The following WDR59 variants were observed in gnomAD, a reference collection of about 807,000 sequenced individuals.
The protein encoded by WDR59 is WD repeat domain 59.
WDR59 carries 100 observed loss-of-function variants against 131.2 expected under a neutral mutation model. The observed-to-expected ratio is 0.76, with a 90% CI of 0.65 to 0.90. The LOEUF (loss-of-function observed/expected upper bound fraction) is 0.90, where lower values mean the gene tolerates loss of function less well. Among genes scored for constraint, WDR59 ranks in the 40% least tolerant of loss-of-function variants. The pLI is 0.00. For missense variants in WDR59, 1,203 were observed against 1,262.2 expected (o/e 0.95, Z 0.71); for synonymous variants, 601 against 466.2 (o/e 1.29, Z -3.72).
At chr16:74,894,076 C>A in intron 18 of WDR59, 1 of 341,938 alleles carries the variant, frequency 2.9e-6, no homozygotes, top group Non-Finnish European at 5.3e-6. Flanking sequence ...AGGATTAATA[C>A]ATTAATTAAT....
intron 9 of WDR59, among the ~76,000 whole-genome samples, chr16:74,922,401 T>G (rs552356914): frequency 9.8e-5 from 15 of 152,314 alleles, no homozygotes; most frequent in Non-Finnish European, 2.1e-4. Flanking sequence ...ACACACTGTT[T>G]CACATCCTAG....
rs1402953913 is a variant in WDR59, at chr16:74,985,032, C to T, written c.-15G>A. On this transcript the variant is annotated 5_prime_UTR_variant, in exon 1 of 26. Transcript: ENST00000262144. ...CGCGCCGCCATCTCCCCCGCCCGGC[C>T]GCCGCGGCCCCAGGACGGCGCCCTC... is the stretch of plus-strand genomic sequence containing the variant. The T allele has an allele frequency of 1.0e-5, 16 of 1,564,034 alleles. No individual in the cohort carries two copies. The highest frequency in any genetic ancestry group is 1.9e-5 in the Admixed American group (1 of 52,422).
chr16:74,952,567 G>A (rs371940584), intron 3 of WDR59, among the ~76,000 whole-genome samples: 1 of 151,346 alleles, frequency 6.6e-6, no homozygotes, highest in African/African-American at 2.4e-5. Context: ...AAAGGGTTAA[G>A]CAGAAAGTGA....
intron 1 of WDR59, among the ~76,000 whole-genome samples, chr16:74,967,587 G>A (rs551048962): frequency 2.0e-5 from 3 of 152,128 alleles, no homozygotes; most frequent in Non-Finnish European, 4.4e-5. Context: ...GGCTGGGCGC[G>A]GCGGCTCATG....
chr16:74,893,472 G>C (rs1228661402), intron 19 of WDR59, among the ~76,000 whole-genome samples: 1 of 152,096 alleles, frequency 6.6e-6, no homozygotes, highest in Non-Finnish European at 1.5e-5. Context: ...GTCCAGACTC[G>C]CGACCCACAA....
At chr16:74,896,324 C>T (rs2144848514) in intron 18 of WDR59, among the ~76,000 whole-genome samples, 1 of 152,264 alleles carries the variant, frequency 6.6e-6, no homozygotes, top group Non-Finnish European at 1.5e-5. Flanking sequence ...TACTAGCTTA[C>T]AGAACACACT....
At chr16:74,974,577 A>G (rs759312969) in intron 1 of WDR59, among the ~76,000 whole-genome samples, 2 of 152,116 alleles carry the variant, frequency 1.3e-5, no homozygotes, top group Non-Finnish European at 2.9e-5. Context: ...CTTGGCTGCT[A>G]TCTAGAACGT....
At chr16:74,966,433 T>A (rs940303204) in intron 1 of WDR59, among the ~76,000 whole-genome samples, 2 of 151,988 alleles carry the variant, frequency 1.3e-5, no homozygotes, top group Non-Finnish European at 2.9e-5. Flanking sequence ...TGACTCGAGA[T>A]TGAGCCACTG....
intron 18 of WDR59, among the ~76,000 whole-genome samples, chr16:74,903,075 C>T (rs1486217753): frequency 6.6e-6 from 1 of 152,194 alleles, no homozygotes; most frequent in African/African-American, 2.4e-5. Context: ...GAAGGTTGGA[C>T]ATTCTACTGC....
In WDR59 at chr16:74,889,771, C is replaced by T. The variant is rs199674518; in HGVS notation, c.2127G>A (p.Pro709=). ...ATVATDLCLG[P]KSDPDLETPW... ...GTGTTTCCAAATCTGGGTCAGATTT[C>T]GGACCAAGGCAAAGATCTGTAGCTA... Residue 709 remains proline (P), a synonymous_variant, in exon 21 of 26, where the codon CCG becomes CCA. Transcript: ENST00000262144. 54 of 1,614,110 alleles carry T rather than the reference C, an allele frequency of 3.3e-5. No homozygotes were observed. The highest frequency in any genetic ancestry group is 5.0e-5 in the Admixed American group (3 of 60,012).
At chr16:74,934,536 G>A (rs1310724708) in intron 8 of WDR59, among the ~76,000 whole-genome samples, 1 of 152,048 alleles carries the variant, frequency 6.6e-6, no homozygotes, top group Non-Finnish European at 1.5e-5. Flanking sequence ...TCTGATACAG[G>A]TAGTTATTAT....
chr16:74,913,766 C>G (rs566778484), intron 13 of WDR59, among the ~76,000 whole-genome samples: 3 of 152,008 alleles, frequency 2.0e-5, no homozygotes, highest in Non-Finnish European at 4.4e-5. Flanking sequence ...GGGATTGCCA[C>G]GGGCTGAGGG....
intron 17 of WDR59, among the ~76,000 whole-genome samples, chr16:74,906,231 G>A (rs866881615): frequency 8.8e-5 from 13 of 148,218 alleles, no homozygotes; most frequent in South Asian, 4.3e-4. Flanking sequence ...GGAGAATGGC[G>A]TGAACCCGGG....
intron 10 of WDR59, among the ~76,000 whole-genome samples, chr16:74,920,885 T>C (rs1460451993): frequency 6.6e-6 from 1 of 152,064 alleles, no homozygotes; most frequent in Non-Finnish European, 1.5e-5. Context: ...AATCCAGCAA[T>C]GGCTATCGTA....
At chr16:74,874,482 A>G (rs766402391) in intron 25 of WDR59, 38 bp from the exon 26 acceptor site, 6 of 1,595,182 alleles carry the variant, frequency 3.8e-6, no homozygotes, top group Middle Eastern at 1.7e-4. Flanking sequence ...AAGAGGCAGC[A>G]TGAGTTTAGT....
At chr16:74,931,489 C>T (rs766890557) in intron 8 of WDR59, among the ~76,000 whole-genome samples, 2 of 152,042 alleles carry the variant, frequency 1.3e-5, no homozygotes, top group Non-Finnish European at 2.9e-5. Flanking sequence ...GTGGTTGCTA[C>T]CATGCCTGGC....
chr16:74,909,947 GA>G, intron 14 of WDR59, 30 bp from the exon 15 acceptor site: 1 of 1,513,926 alleles, frequency 6.6e-7, no homozygotes, highest in Non-Finnish European at 9.0e-7. Context: ...CAGTCAAGAA[GA>G]GGAACACATT....
At chr16:74,981,827 T>C (rs1347846430) in intron 1 of WDR59, among the ~76,000 whole-genome samples, 1 of 141,914 alleles carries the variant, frequency 7.0e-6, no homozygotes, top group East Asian at 2.2e-4. Context: ...GGCTAATTTT[T>C]GTATCTTTAG....
At chr16:74,977,930 TAGG>T (rs2034252104) in intron 1 of WDR59, among the ~76,000 whole-genome samples, 1 of 151,966 alleles carries the variant, frequency 6.6e-6, no homozygotes, top group African/African-American at 2.4e-5. Flanking sequence ...AGACGCCAGG[TAGG>T]GTGGTGGCTC....
Sources: gnomAD v4.1 joint callset for allele counts (sites outside exome capture counted in the v4.1 genomes callset) on GRCh38, gnomAD v4.1.1 for gene constraint, MANE v1.5 for transcripts, NCBI Gene and HGNC (gene_info 2026-07-23, HGNC 2026-07-21) for gene names.